Variants in CCDC158 observed in about 807,000 individuals in gnomAD.
CCDC158 encodes the protein coiled-coil domain-containing protein 158.
Under a neutral mutation model 138.6 loss-of-function variants are expected in CCDC158, and 116 were observed. The ratio of observed to expected loss-of-function variants is 0.84; its 90% CI spans 0.72 to 0.98. The LOEUF is 0.98. Ranked by LOEUF, CCDC158 falls within the 50% of genes least tolerant of loss-of-function variation. The probability of loss-of-function intolerance (pLI) is 0.00; values close to 1 mark genes in which losing one functional copy is unlikely to be tolerated. For synonymous variants in CCDC158, 436 were observed against 442.4 expected (o/e 0.99, Z 0.18); for missense variants, 1,265 against 1,306.1 (o/e 0.97, Z 0.48).
intron 13 of CCDC158, among the ~76,000 whole-genome samples, chr4:76,361,395 T>C (rs943803296): frequency 7.9e-5 from 12 of 152,094 alleles, no homozygotes; most frequent in Non-Finnish European, 1.5e-4. Context: ...ACCCTATCTC[T>C]ACTAAAAATA....
chr4:76,354,233 C>CAAAAAAAAAAAAAAAAAAAAAAAGA (rs1723326925), intron 15 of CCDC158, among the ~76,000 whole-genome samples: 1 of 63,938 alleles, frequency 1.6e-5, no homozygotes, highest in Non-Finnish European at 2.9e-5. Flanking sequence ...TTCCCAAAGG[C>CAAAAAAAAAAAAAAAAAAAAAAAGA]AAAAAAAAAA....
chr4:76,351,892 G>C, intron 16 of CCDC158, 80 bp from the exon 17 acceptor site: 1 of 809,786 alleles, frequency 1.2e-6, no homozygotes, highest in Non-Finnish European at 2.0e-6. Context: ...ATGCAGAGCT[G>C]CCATCTCTTC....
rs1240754752 is a variant in CCDC158, at chr4:76,313,111, C to T, written c.*59G>A. 1.0e-5 allele frequency: 11 copies of T among 1,081,814 alleles called. No individual in the cohort carries two copies. Among genetic ancestry groups the T allele is most frequent in the African/African-American group, 4.8e-5 (3 of 62,320 alleles). 67.0% of individuals were successfully genotyped at this position (1,081,814 alleles called of 1,614,324 possible). ...GAAAAAGTACACAGGGCACTAATTA[C>T]GAGTAACACCACAATTAATTGGGCC... is the stretch of plus-strand genomic sequence containing the variant. On this transcript the variant is annotated 3_prime_UTR_variant, in exon 25 of 25. Transcript: ENST00000682701.
rs77916337 is a variant in CCDC158 at position 76,353,356 on chromosome 4, T to C, written c.2287-75A>G. The C allele has an allele frequency of 2.4e-3, 3,091 of 1,265,858 alleles. 58 individuals are homozygous for C. The African/African-American group carries it at 0.039, about 16-fold the overall frequency. 78.4% of individuals were successfully genotyped at this position (1,265,858 alleles called of 1,614,324 possible). A position where few individuals can be genotyped will look rare whatever the true frequency, so the allele number is the denominator to read the frequency against. ...GCTGAAAGGTAATGGAAATATAAAA[T>C]TCTTGTTTAAAGGACCCTGAACTAG... On this transcript the variant is annotated intron_variant, in intron 15 of 24. Coordinates refer to ENST00000682701, the MANE Select transcript of CCDC158 (RefSeq NM_001394954.1).
In CCDC158 at chr4:76,325,869, C is replaced by G. The variant is rs1368574186; in HGVS notation, c.3157G>C (p.Asp1053His). The change falls in exon 23 of 25, where the codon GAT becomes CAT. Residue 1053 changes from aspartate (D) to histidine (H), a missense_variant. By Grantham distance (81) the Asp-to-His change is moderately conservative. Transcript: ENST00000682701. Reference protein sequence around the residue: ...YRSAKPIHSSDSVKDSQSPPI... With the variant: ...YRSAKPIHSSHSVKDSQSPPI... Reference sequence around the variant, plus strand: ...AGATCTTTCTTACCTTTAACAGAATCAGATGAATGAATAGGTTTGGCAGAT... The same window carrying G: ...AGATCTTTCTTACCTTTAACAGAATGAGATGAATGAATAGGTTTGGCAGAT... The G allele has an allele frequency of 6.2e-7, 1 of 1,609,768 alleles. No individual in the cohort carries two copies.
rs750312135 is a variant in CCDC158, at chr4:76,334,186, CAA to C, written c.2665-21_2665-20del. 22 of 1,512,434 alleles carry C rather than the reference CAA, an allele frequency of 1.5e-5. No homozygotes were observed. The highest frequency in any genetic ancestry group is 2.0e-5 in the Non-Finnish European group (22 of 1,120,300). 93.7% of individuals were successfully genotyped at this position (1,512,434 alleles called of 1,614,324 possible). ...TAGAGTGCTGAGTTAAAACAATTTA[CAA>C]AGACACTTATTTTTTCAGATTTCTA... On this transcript the variant is annotated intron_variant, in intron 18 of 24. Coordinates refer to ENST00000682701, the MANE Select transcript of CCDC158 (RefSeq NM_001394954.1).
At chr4:76,331,541 T>G in intron 20 of CCDC158, 138 bp from the exon 21 acceptor site, 1 of 680,100 alleles carries the variant, frequency 1.5e-6, no homozygotes, top group Admixed American at 2.5e-5. Flanking sequence ...AAATAAATCA[T>G]AAACATTAAC....
chr4:76,382,242 G>A (rs1042752113), intron 8 of CCDC158, among the ~76,000 whole-genome samples: 1 of 152,010 alleles, frequency 6.6e-6, no homozygotes, highest in Non-Finnish European at 1.5e-5. Flanking sequence ...TGTCATAATT[G>A]TAAGTTTCCT....
intron 24 of CCDC158, among the ~76,000 whole-genome samples, chr4:76,314,674 C>T (rs553619578): frequency 5.3e-5 from 8 of 152,194 alleles, no homozygotes; most frequent in East Asian, 1.9e-4. Flanking sequence ...ACAAATTTAG[C>T]GCAAAATATA....
chr4:76,421,317 G>C (rs1730112016), upstream of CCDC158, among the ~76,000 whole-genome samples: 2 of 152,168 alleles, frequency 1.3e-5, no homozygotes, highest in East Asian at 1.9e-4. Flanking sequence ...TCCGCCCGCC[G>C]GACGCCGTCG....
chr4:76,323,167 C>A (rs1720195061), intron 24 of CCDC158, 135 bp downstream of exon 24: 2 of 615,354 alleles, frequency 3.3e-6, no homozygotes, highest in Admixed American at 3.1e-5. Context: ...TGGTTAAGAC[C>A]CTTATATTTA....
At chr4:76,368,896 A>T (rs1560434929) in intron 11 of CCDC158, among the ~76,000 whole-genome samples, 1 of 152,202 alleles carries the variant, frequency 6.6e-6, no homozygotes, top group African/African-American at 2.4e-5. Flanking sequence ...AAGTGAGATA[A>T]AGCTTGACAC....
rs374604422 is a variant in CCDC158, at chr4:76,367,415, T to G, written c.1709A>C (p.Gln570Pro). 4.3e-6 allele frequency: 7 copies of G among 1,614,274 alleles called. No individual in the cohort carries two copies. Among genetic ancestry groups the G allele is most frequent in the Non-Finnish European group, 5.9e-6 (7 of 1,180,052 alleles). Residue 570 changes from glutamine (Q) to proline (P), a missense_variant, in exon 12 of 25, where the codon CAG becomes CCG. Coordinates refer to ENST00000682701, the MANE Select transcript of CCDC158 (RefSeq NM_001394954.1). The part of the protein sequence containing the change: ...KDKVIEILRQ[Q>P]IENMTQLVGQ... Reference sequence around the variant, plus strand: ...CACCAGCTGTGTCATGTTCTCAATCTGCTGTCGCAGAATCTCGATCACCTT... The same window carrying G: ...CACCAGCTGTGTCATGTTCTCAATCGGCTGTCGCAGAATCTCGATCACCTT...
chr4:76,344,087 TTGTA>T (rs1722312813), intron 18 of CCDC158, among the ~76,000 whole-genome samples: 1 of 152,256 alleles, frequency 6.6e-6, no homozygotes, highest in South Asian at 2.1e-4. Flanking sequence ...GATGACATGA[TTGTA>T]TATTTAGAAA....
At position 76,343,789 on chromosome 4, in the gene CCDC158, A is replaced by G. The variant is rs371717389; in HGVS notation, c.2664+7207T>C. ...GCACTCCAGCCTGGGTGACAGAGTG[A>G]GACTCCATCTCAAAAAACAAAACAA... is the stretch of plus-strand genomic sequence containing the variant. On this transcript the variant is annotated intron_variant, in intron 18 of 24. Coordinates refer to ENST00000682701, the MANE Select transcript of CCDC158 (RefSeq NM_001394954.1). Among the ~76,000 whole-genome samples, 82 of 152,332 alleles carry G rather than the reference A, an allele frequency of 5.4e-4. 2 individuals carry two copies. The East Asian group carries it at 0.014, about 25-fold the overall frequency.
rs1420229359 is a variant in CCDC158, at chr4:76,378,765, G to GA, written c.1029+524dup. Among the ~76,000 whole-genome samples the GA allele has an allele frequency of 2.9e-3, 443 of 151,438 alleles. 2 individuals are homozygous for GA. Among genetic ancestry groups the GA allele is most frequent in the African/African-American group, 9.6e-3 (395 of 40,948 alleles). ...TTCTCTTTAGCTATGGAAAGTGAAA[G>GA]AAAAAAACAGAATATCAAATATTAA... On this transcript the variant is annotated intron_variant, in intron 9 of 24. Transcript: ENST00000682701.
intron 17 of CCDC158, 148 bp from the exon 18 acceptor site, chr4:76,351,269 AAT>A (rs1176431249): frequency 1.4e-6 from 1 of 724,586 alleles, no homozygotes; most frequent in Non-Finnish European, 2.1e-6. Context: ...CACTTCTTAA[AAT>A]AGACATATAT....
chr4:76,377,435 G>C (rs1725818498), intron 9 of CCDC158, among the ~76,000 whole-genome samples: 1 of 152,176 alleles, frequency 6.6e-6, no homozygotes, highest in African/African-American at 2.4e-5. Flanking sequence ...CTCATTGTCA[G>C]ATTGTCAGCT....
Position 76,369,578 on chromosome 4 carries a change from G to T in CCDC158, c.1195C>A (p.Gln399Lys), listed in dbSNP as rs376452149. The T allele has an allele frequency of 5.6e-6, 9 of 1,614,120 alleles. No homozygotes were observed. In the East Asian group the frequency reaches 1.8e-4, roughly 32 times the overall value. Residue 399 changes from glutamine to lysine, a missense_variant, in exon 11 of 25, where the codon CAG becomes AAG. Physicochemically the swap from Gln to Lys is moderately conservative, Grantham distance 53. Transcript: ENST00000682701. ...REKELSLEKE[Q>K]NKRLWDRDTG... ...TCTCGGTCCCACAGACGCTTATTCT[G>T]CTCCTTCTCCAGACTCAGCTCCTTC...
Sources: gnomAD v4.1 joint callset for allele counts (sites outside exome capture counted in the v4.1 genomes callset) on GRCh38, gnomAD v4.1.1 for gene constraint, MANE v1.5 for transcripts, NCBI Gene and HGNC (gene_info 2026-07-23, HGNC 2026-07-21) for gene names.